The following TAS2R1 variants were observed in gnomAD, a reference collection of about 807,000 sequenced individuals.
TAS2R1 encodes taste receptor type 2 member 1.
For synonymous variants in TAS2R1, 141 were observed against 134.2 expected (o/e 1.05, Z -0.35); for missense variants, 370 against 353.4 (o/e 1.05, Z -0.38).
chr5:9,727,835 T>G, the TAS2R1 span, among the ~76,000 whole-genome samples: 14 of 152,116 alleles, frequency 9.2e-5, no homozygotes, highest in Admixed American at 9.2e-4. Flanking sequence ...CCCAGTGAGG[T>G]GCAGGACTAG....
chr5:9,833,840 C>G, the TAS2R1 span, among the ~76,000 whole-genome samples: 5 of 152,286 alleles, frequency 3.3e-5, no homozygotes, highest in South Asian at 8.3e-4. Flanking sequence ...GCATAGACTT[C>G]CTGTTGCATG....
the TAS2R1 span, among the ~76,000 whole-genome samples, chr5:9,753,349 T>G: frequency 6.6e-6 from 1 of 152,252 alleles, no homozygotes; most frequent in Admixed American, 6.5e-5. Flanking sequence ...AATGTCTTCT[T>G]TTGAGAAGCA....
chr5:9,830,605 GCA>G, the TAS2R1 span, among the ~76,000 whole-genome samples: 28,522 of 149,666 alleles, frequency 0.19, 3,141 homozygotes, highest in East Asian at 0.42. Context: ...ACGTGCGCGC[GCA>G]CACACACACA....
upstream of TAS2R1, among the ~76,000 whole-genome samples, chr5:9,631,621 T>C (rs1739875050): frequency 6.6e-6 from 1 of 152,222 alleles, no homozygotes; most frequent in South Asian, 2.1e-4. Flanking sequence ...TTAAAGCTTC[T>C]CCAACTTAGC....
chr5:9,895,273 G>A, the TAS2R1 span, among the ~76,000 whole-genome samples: 1 of 152,206 alleles, frequency 6.6e-6, no homozygotes, highest in African/African-American at 2.4e-5. Flanking sequence ...GAGACACCTG[G>A]TTTCTTCCTG....
the TAS2R1 span, among the ~76,000 whole-genome samples, chr5:9,858,620 G>A: frequency 3.2e-3 from 493 of 152,250 alleles, no homozygotes; most frequent in Middle Eastern, 0.014. Context: ...CTTTTTATAA[G>A]AGATAAAAAT....
the TAS2R1 span, among the ~76,000 whole-genome samples, chr5:9,777,390 G>A: frequency 6.6e-6 from 1 of 152,226 alleles, no homozygotes; most frequent in Non-Finnish European, 1.5e-5. Flanking sequence ...ACCACTTTCT[G>A]TGCTCATTCG....
chr5:9,633,094 T>C (rs1739897543), upstream of TAS2R1, among the ~76,000 whole-genome samples: 1 of 151,748 alleles, frequency 6.6e-6, no homozygotes, highest in Admixed American at 6.6e-5. Flanking sequence ...ATGAATGTTG[T>C]ATTGGCGGGC....
At chr5:9,653,387 G>A (rs1384187130) in intron 2 of TAS2R1, among the ~76,000 whole-genome samples, 1 of 152,074 alleles carries the variant, frequency 6.6e-6, no homozygotes, top group East Asian at 1.9e-4. Flanking sequence ...TTTATGTATA[G>A]ACCACATTTT....
chr5:9,813,999 A>G, the TAS2R1 span, among the ~76,000 whole-genome samples: 1 of 152,286 alleles, frequency 6.6e-6, no homozygotes, highest in African/African-American at 2.4e-5. Flanking sequence ...TTTCAAGTTT[A>G]AAATGCTTTC....
chr5:9,726,473 A>G, the TAS2R1 span, among the ~76,000 whole-genome samples: 1 of 152,110 alleles, frequency 6.6e-6, no homozygotes, highest in South Asian at 2.1e-4. Flanking sequence ...ACACTGTGGA[A>G]GCTTAGTTCT....
the TAS2R1 span, among the ~76,000 whole-genome samples, chr5:9,777,451 T>A: frequency 6.6e-6 from 1 of 152,238 alleles, no homozygotes; most frequent in African/African-American, 2.4e-5. Context: ...TTGAAGCAAT[T>A]CAGTCGCATC....
At chr5:9,841,845 C>T in the TAS2R1 span, among the ~76,000 whole-genome samples, 1 of 152,186 alleles carries the variant, frequency 6.6e-6, no homozygotes, top group Non-Finnish European at 1.5e-5. Flanking sequence ...TTGATGTTCT[C>T]CAGCTGTGAT....
At chr5:9,901,023 G>A in the TAS2R1 span, among the ~76,000 whole-genome samples, 183 of 152,180 alleles carry the variant, frequency 1.2e-3, no homozygotes, top group African/African-American at 4.0e-3. Flanking sequence ...CAATACCTTG[G>A]CTCAGATTCG....
At chr5:9,700,036 C>CA (rs1002230276) in intron 1 of TAS2R1, among the ~76,000 whole-genome samples, 125 of 149,424 alleles carry the variant, frequency 8.4e-4, no homozygotes, top group African/African-American at 2.3e-3. Flanking sequence ...TTTATTAACT[C>CA]AAAAAAAAAA....
At chr5:9,867,850 A>G in the TAS2R1 span, among the ~76,000 whole-genome samples, 2 of 152,238 alleles carry the variant, frequency 1.3e-5, no homozygotes, top group Non-Finnish European at 2.9e-5. Context: ...GGATACAAGC[A>G]TTGGGTAAAT....
At chr5:9,880,628 C>T in the TAS2R1 span, among the ~76,000 whole-genome samples, 1 of 127,186 alleles carries the variant, frequency 7.9e-6, no homozygotes, top group African/African-American at 2.5e-5. Flanking sequence ...TTGTGACAAC[C>T]AAAAATGTCT....
At chr5:9,880,152 G>A in the TAS2R1 span, among the ~76,000 whole-genome samples, 1 of 152,210 alleles carries the variant, frequency 6.6e-6, no homozygotes, top group Admixed American at 6.5e-5. Context: ...TAAACTATAC[G>A]TAAAGAGGAA....
intron 2 of TAS2R1, among the ~76,000 whole-genome samples, chr5:9,653,495 T>A (rs1274570817): frequency 6.6e-6 from 1 of 152,198 alleles, no homozygotes; most frequent in African/African-American, 2.4e-5. Flanking sequence ...AATAACTGTT[T>A]GTGACCCTAT....
Sources: gnomAD v4.1 joint callset for allele counts (sites outside exome capture counted in the v4.1 genomes callset) on GRCh38, gnomAD v4.1.1 for gene constraint, MANE v1.5 for transcripts, NCBI Gene and HGNC (gene_info 2026-07-23, HGNC 2026-07-21) for gene names.